The following ACSM2B variants were observed in gnomAD, a reference collection of about 807,000 sequenced individuals.
ACSM2B encodes the protein acyl-CoA synthetase medium chain family member 2B.
In ACSM2B, 58 loss-of-function variants were observed where a neutral mutation model predicts 78.6. The observed-to-expected ratio is 0.74, with a 90% CI of 0.60 to 0.92. The LOEUF (loss-of-function observed/expected upper bound fraction) is 0.92. ACSM2B is among the 40% of genes least tolerant of loss of function. ACSM2B has a pLI of 0.00. For missense variants in ACSM2B, 688 were observed against 711.2 expected (o/e 0.97, Z 0.37); for synonymous variants, 257 against 256.8 (o/e 1.00, Z -0.01).
At chr16:20,560,682 T>C (rs1274528845) in intron 2 of ACSM2B, among the ~76,000 whole-genome samples, 1 of 152,056 alleles carries the variant, frequency 6.6e-6, no homozygotes, top group Non-Finnish European at 1.5e-5. Context: ...GCTATAAAGA[T>C]ACCTGAAAAT....
At chr16:20,558,079 T>A (rs1384946603) in intron 3 of ACSM2B, among the ~76,000 whole-genome samples, 1 of 152,074 alleles carries the variant, frequency 6.6e-6, no homozygotes, top group Non-Finnish European at 1.5e-5. Flanking sequence ...AGTTCAGGAG[T>A]CATGGAGCCA....
rs750803105 is a variant in ACSM2B at position 20,553,901 on chromosome 16, G to T, written c.616C>A (p.His206Asn). 9 of 1,613,674 alleles carry T rather than the reference G, an allele frequency of 5.6e-6. No homozygotes were observed. The African/African-American group carries it at 1.2e-4, about 22-fold the overall frequency. ...KLLNEASTTHHCVETGSQEAS... is the reference protein window; with the variant it reads ...KLLNEASTTHNCVETGSQEAS... ...TCCTGGCTTCCAGTCTCCACACAGT[G>T]ATGAGTGGTGGATGCCTCACTGACA... Residue 206 changes from histidine to asparagine, a missense_variant, in exon 5 of 14, where the codon CAC (histidine) becomes AAC (asparagine). Transcript: ENST00000329697.
chr16:20,568,282 G>C (rs1167837834), intron 1 of ACSM2B, among the ~76,000 whole-genome samples: 2 of 142,068 alleles, frequency 1.4e-5, no homozygotes, highest in Non-Finnish European at 3.1e-5. Flanking sequence ...AGTATATATA[G>C]ATATATATAA....
chr16:20,559,977 CTCTA>C (rs1482408803), intron 2 of ACSM2B, among the ~76,000 whole-genome samples: 4 of 150,844 alleles, frequency 2.7e-5, no homozygotes, highest in African/African-American at 7.4e-5. Context: ...ATATATTTAT[CTCTA>C]TCTACTTACT....
At chr16:20,564,900 G>T in intron 1 of ACSM2B, 47 bp from the exon 2 acceptor site, 1 of 1,547,996 alleles carries the variant, frequency 6.5e-7, no homozygotes, top group South Asian at 1.2e-5. Flanking sequence ...TTAACAGATT[G>T]CTCTACTGAT....
chr16:20,556,652 A>T (rs969102662), intron 3 of ACSM2B, among the ~76,000 whole-genome samples: 5 of 152,158 alleles, frequency 3.3e-5, no homozygotes, highest in Admixed American at 6.5e-5. Context: ...AGGTTTCATT[A>T]TTTGTGAAGC....
intron 2 of ACSM2B, among the ~76,000 whole-genome samples, chr16:20,560,509 G>A (rs961059716): frequency 6.6e-6 from 1 of 151,934 alleles, no homozygotes; most frequent in African/African-American, 2.4e-5. Context: ...TAAATTTCTT[G>A]AGGCCCCCAT....
At chr16:20,574,886 A>G (rs2016201122) in intron 1 of ACSM2B, among the ~76,000 whole-genome samples, 1 of 150,022 alleles carries the variant, frequency 6.7e-6, no homozygotes, top group African/African-American at 2.5e-5. Flanking sequence ...CGAGTTCATC[A>G]TTTTCTTTCA....
At chr16:20,552,995 G>T (rs1596716994) in intron 5 of ACSM2B, among the ~76,000 whole-genome samples, 1 of 152,166 alleles carries the variant, frequency 6.6e-6, no homozygotes, top group East Asian at 1.9e-4. Context: ...CAAATTTTTT[G>T]GGGGAAGGGG....
chr16:20,566,743 A>G (rs866397893), intron 1 of ACSM2B, among the ~76,000 whole-genome samples: 8 of 76,540 alleles, frequency 1.0e-4, no homozygotes, highest in Non-Finnish European at 1.7e-4. Flanking sequence ...AGTATATACT[A>G]TATATACTAT....
chr16:20,543,744 G>A lies in ACSM2B; in HGVS notation c.1282-482C>T, dbSNP rs185802884. On this transcript the variant is annotated intron_variant, in intron 10 of 13. Transcript: ENST00000329697. Reference sequence around the variant, plus strand: ...TACAATAGCTGGGTCCCTCTATTCAGCTGAGGCACTTGCTTATAAGTAATG... The same window carrying A: ...TACAATAGCTGGGTCCCTCTATTCAACTGAGGCACTTGCTTATAAGTAATG... Among the ~76,000 whole-genome samples the A allele has an allele frequency of 6.3e-4, 96 of 152,198 alleles. 2 individuals carry two copies. The highest frequency in any genetic ancestry group is 2.2e-3 in the African/African-American group (91 of 41,494).
chr16:20,561,014 T>G lies in ACSM2B; in HGVS notation c.178-1567A>C, dbSNP rs776015342. The stretch of plus-strand genomic sequence containing the variant: ...TTAGGGAATCTGACAGAAGAAATTT[T>G]TAAGCAACAGAGCATTCAAGATTTG... On this transcript the variant is annotated intron_variant, in intron 2 of 13. Transcript: ENST00000329697. Among the ~76,000 whole-genome samples the G allele has an allele frequency of 5.5e-4, 84 of 152,212 alleles. 1 individual carries two copies. The highest frequency in any genetic ancestry group is 9.8e-4 in the Admixed American group (15 of 15,292).
intron 8 of ACSM2B, chr16:20,547,438 C>T (rs2015174061): frequency 4.1e-6 from 4 of 984,268 alleles, no homozygotes; most frequent in Non-Finnish European, 4.8e-6. Flanking sequence ...GAGGAAGAGG[C>T]AAGAAGTGCT....
intron 5 of ACSM2B, among the ~76,000 whole-genome samples, chr16:20,552,590 T>C (rs1335859280): frequency 2.6e-5 from 4 of 152,186 alleles, no homozygotes; most frequent in Admixed American, 2.6e-4. Context: ...CCGTACAGTT[T>C]CTGGCATGCA....
At chr16:20,566,352 C>T (rs2015840394) in intron 1 of ACSM2B, among the ~76,000 whole-genome samples, 1 of 126,046 alleles carries the variant, frequency 7.9e-6, no homozygotes, top group Non-Finnish European at 1.6e-5. Context: ...AGGAGCATGG[C>T]TAAAAATATA....
chr16:20,544,401 C>G (rs1422517488), intron 10 of ACSM2B: 1 of 297,342 alleles, frequency 3.4e-6, no homozygotes, highest in Non-Finnish European at 4.9e-6. Flanking sequence ...AGTCCAAAAA[C>G]TTTATAGGGT....
intron 8 of ACSM2B, 79 bp downstream of exon 8, chr16:20,547,983 G>T: frequency 8.8e-6 from 14 of 1,596,000 alleles, no homozygotes; most frequent in African/African-American, 1.4e-5. Context: ...ATACATGGTG[G>T]CTAACATGTT....
At chr16:20,572,827 A>G (rs1032376800) in intron 1 of ACSM2B, among the ~76,000 whole-genome samples, 1 of 151,856 alleles carries the variant, frequency 6.6e-6, no homozygotes, top group Non-Finnish European at 1.5e-5. Flanking sequence ...TCTTGTCTTC[A>G]AGCTCTGAAG....
intron 6 of ACSM2B, among the ~76,000 whole-genome samples, chr16:20,548,786 T>G (rs11074459): frequency 0.19 from 29,142 of 151,964 alleles, 3,711 homozygotes; most frequent in East Asian, 0.69. Flanking sequence ...CCTAGGAGTA[T>G]ATCACCCCCC....
Sources: gnomAD v4.1 joint callset for allele counts (sites outside exome capture counted in the v4.1 genomes callset) on GRCh38, gnomAD v4.1.1 for gene constraint, MANE v1.5 for transcripts, NCBI Gene and HGNC (gene_info 2026-07-23, HGNC 2026-07-21) for gene names.